Variants in ZSWIM6 observed in about 807,000 individuals in gnomAD.
The protein encoded by ZSWIM6 is zinc finger SWIM domain-containing protein 6.
In ZSWIM6, 9 loss-of-function variants were observed where a neutral mutation model predicts 113.2. The ratio of observed to expected loss-of-function variants is 0.08; its 90% CI spans 0.05 to 0.14. ZSWIM6 has a LOEUF of 0.14. ZSWIM6 is among the 10% of genes least tolerant of loss of function. The pLI, the probability that ZSWIM6 is intolerant of heterozygous loss-of-function variation, is 1.00. For synonymous variants in ZSWIM6, 611 were observed against 606.5 expected (o/e 1.01, Z -0.11); for missense variants, 1,162 against 1,552.2 (o/e 0.75, Z 4.22).
At chr5:61,428,408 G>A (rs1389109015) in intron 1 of ZSWIM6, among the ~76,000 whole-genome samples, 4 of 152,092 alleles carry the variant, frequency 2.6e-5, no homozygotes, top group Non-Finnish European at 4.4e-5. Flanking sequence ...TGTCACCCAC[G>A]CTGGAGCACA....
intron 3 of ZSWIM6, among the ~76,000 whole-genome samples, chr5:61,492,542 A>G (rs1457667852): frequency 6.6e-6 from 1 of 152,104 alleles, no homozygotes; most frequent in Non-Finnish European, 1.5e-5. Flanking sequence ...CCTATTTTAC[A>G]TGGTTGTTGT....
intron 4 of ZSWIM6, 63 bp downstream of exon 4, chr5:61,494,473 T>C: frequency 6.5e-7 from 1 of 1,537,580 alleles, no homozygotes; most frequent in South Asian, 1.2e-5. Flanking sequence ...TAGTCAGATG[T>C]TTCAAGAACA....
At chr5:61,506,216 A>C (rs1748614683) in intron 4 of ZSWIM6, among the ~76,000 whole-genome samples, 1 of 152,138 alleles carries the variant, frequency 6.6e-6, no homozygotes, top group African/African-American at 2.4e-5. Context: ...TTATTTTAAA[A>C]TTTTCCTAGA....
At chr5:61,429,889 A>G (rs1037967589) in intron 1 of ZSWIM6, among the ~76,000 whole-genome samples, 1 of 152,178 alleles carries the variant, frequency 6.6e-6, no homozygotes, top group African/African-American at 2.4e-5. Flanking sequence ...AGAGGGGCAG[A>G]TCTGCATGAA....
chr5:61,396,970 C>T (rs370905621), intron 1 of ZSWIM6, among the ~76,000 whole-genome samples: 22 of 152,114 alleles, frequency 1.4e-4, no homozygotes, highest in South Asian at 2.1e-4. Flanking sequence ...TTTAAAATGA[C>T]TGTTACCAAT....
intron 1 of ZSWIM6, among the ~76,000 whole-genome samples, chr5:61,412,584 G>T (rs1746168469): frequency 6.6e-6 from 1 of 152,148 alleles, no homozygotes; most frequent in Non-Finnish European, 1.5e-5. Flanking sequence ...CGTTGAGATG[G>T]AATTGAAGAA....
chr5:61,397,969 G>C (rs752933247), intron 1 of ZSWIM6, among the ~76,000 whole-genome samples: 1 of 152,286 alleles, frequency 6.6e-6, no homozygotes, highest in Non-Finnish European at 1.5e-5. Context: ...TCTATACTTA[G>C]TCTTCCCTGC....
intron 1 of ZSWIM6, among the ~76,000 whole-genome samples, chr5:61,367,274 T>TG (rs1745179284): frequency 6.6e-6 from 1 of 152,178 alleles, no homozygotes; most frequent in African/African-American, 2.4e-5. Flanking sequence ...TTTTTTTAAT[T>TG]GGGACAGGGT....
intron 3 of ZSWIM6, 109 bp downstream of exon 3, chr5:61,491,043 A>G: frequency 8.8e-7 from 1 of 1,136,660 alleles, no homozygotes; most frequent in Non-Finnish European, 1.2e-6. Flanking sequence ...ATTAAAGAAC[A>G]GGGTCTTAGC....
At chr5:61,488,971 C>G (rs1251770899) in intron 2 of ZSWIM6, among the ~76,000 whole-genome samples, 2 of 151,914 alleles carry the variant, frequency 1.3e-5, no homozygotes, top group East Asian at 3.9e-4. Context: ...GTCATGAATT[C>G]CCATTCATTA....
chr5:61,515,920 T>C (rs1327588949), intron 4 of ZSWIM6, among the ~76,000 whole-genome samples: 1 of 152,148 alleles, frequency 6.6e-6, no homozygotes, highest in Non-Finnish European at 1.5e-5. Flanking sequence ...CCCCTCTTTA[T>C]ACCTGGTATA....
At chr5:61,345,801 C>A (rs1167304205) in intron 1 of ZSWIM6, among the ~76,000 whole-genome samples, 1 of 152,108 alleles carries the variant, frequency 6.6e-6, no homozygotes, top group African/African-American at 2.4e-5. Flanking sequence ...ATTTTCTTCA[C>A]ATTATCTTTA....
chr5:61,450,975 C>T (rs768523022), intron 1 of ZSWIM6, among the ~76,000 whole-genome samples: 3 of 152,166 alleles, frequency 2.0e-5, no homozygotes, highest in Non-Finnish European at 2.9e-5. Flanking sequence ...TCCAAGAAGT[C>T]TGTTTCCAAG....
intron 1 of ZSWIM6, among the ~76,000 whole-genome samples, chr5:61,387,009 G>T (rs1033531994): frequency 1.3e-5 from 2 of 152,008 alleles, no homozygotes; most frequent in Non-Finnish European, 2.9e-5. Context: ...GCCTTTTGTT[G>T]TATTATTTAT....
intron 2 of ZSWIM6, 137 bp downstream of exon 2, chr5:61,473,174 A>G: frequency 1.8e-6 from 1 of 553,358 alleles, no homozygotes; most frequent in East Asian, 3.1e-5. Context: ...AGAGATTTTT[A>G]CATTTGTATT....
chr5:61,429,656 G>A (rs564158346), intron 1 of ZSWIM6, among the ~76,000 whole-genome samples: 17 of 152,278 alleles, frequency 1.1e-4, no homozygotes, highest in African/African-American at 4.1e-4. Context: ...GAAGAAAATA[G>A]GGATGAAGAT....
chr5:61,458,064 C>G (rs1438579070), intron 1 of ZSWIM6, among the ~76,000 whole-genome samples: 1 of 152,120 alleles, frequency 6.6e-6, no homozygotes, highest in Non-Finnish European at 1.5e-5. Flanking sequence ...TAAATCATCA[C>G]CTATTCTCAA....
At chr5:61,368,151 C>T (rs912024369) in intron 1 of ZSWIM6, among the ~76,000 whole-genome samples, 5 of 152,026 alleles carry the variant, frequency 3.3e-5, no homozygotes, top group Admixed American at 2.0e-4. Context: ...TCTACCTACA[C>T]GGTAGGATTG....
intron 2 of ZSWIM6, among the ~76,000 whole-genome samples, chr5:61,485,701 A>G (rs1022591088): frequency 6.6e-6 from 1 of 152,184 alleles, no homozygotes; most frequent in Non-Finnish European, 1.5e-5. Flanking sequence ...TCAAGCAACT[A>G]TCATCACCCT....
Sources: gnomAD v4.1 joint callset for allele counts (sites outside exome capture counted in the v4.1 genomes callset) on GRCh38, gnomAD v4.1.1 for gene constraint, MANE v1.5 for transcripts, NCBI Gene and HGNC (gene_info 2026-07-23, HGNC 2026-07-21) for gene names.